Variants in CYSLTR1 observed in about 807,000 individuals in gnomAD.
CYSLTR1 encodes G-protein coupled receptor HG55.
Under a neutral mutation model 2.1 loss-of-function variants are expected in CYSLTR1, and 1 was observed. The ratio of observed to expected loss-of-function variants is 0.48; its 90% CI spans 0.17 to 2.28. The LOEUF is 2.28. Ranked by LOEUF, CYSLTR1 falls within the 30% of genes most tolerant of loss-of-function variation. The pLI, the probability that CYSLTR1 is intolerant of heterozygous loss-of-function variation, is 0.26. For synonymous variants in CYSLTR1, 110 were observed against 89.6 expected, an observed-to-expected ratio of 1.23 and a Z score of -1.28; for missense variants, 299 against 250.1, an observed-to-expected ratio of 1.20 and a Z score of -1.32.
At position 78,288,031 on chromosome X, in the gene CYSLTR1, CA is replaced by C. The variant is rs202210188; in HGVS notation, c.-114-4492del. 9.9e-3 allele frequency among the ~76,000 whole-genome samples: 1,035 copies of C among 104,778 alleles called. 12 individuals are homozygous for C. Among genetic ancestry groups the C allele is most frequent in the African/African-American group, 0.029 (841 of 28,946 alleles). The allele number at this position is 104,778 out of a possible 115,157, so 91.0% of individuals were successfully genotyped here. ...AGTTCTCTCAGAAAAAAACAAAGAA[CA>C]AAAAAAAAATGATAAAATAATTAGC... On this transcript the variant is annotated intron_variant, in intron 1 of 2. Coordinates refer to ENST00000373304, the MANE Select transcript of CYSLTR1 (RefSeq NM_006639.4).
chrX:78,310,800 T>C (rs1214172214), intron 1 of CYSLTR1, among the ~76,000 whole-genome samples: 1 of 111,069 alleles, frequency 9.0e-6, no homozygotes, highest in African/African-American at 3.3e-5. Context: ...TAGCCTGGCA[T>C]ATTTAAGGAA....
At position 78,316,499 on chromosome X, in the gene CYSLTR1, A is replaced by C. The variant is rs186916479; in HGVS notation, c.-115+10806T>G. Among the ~76,000 whole-genome samples, 443 of 111,973 alleles carry C rather than the reference A, an allele frequency of 4.0e-3. 1 individual carries two copies. The highest frequency in any genetic ancestry group is 0.014 in the African/African-American group (427 of 30,808). On this transcript the variant is annotated intron_variant, in intron 1 of 2. Coordinates refer to ENST00000373304, the MANE Select transcript of CYSLTR1 (RefSeq NM_006639.4). ...CCTGGGAAAAGTTCTGAGTTCTGCA[A>C]AAGCAAGCTGCCTGGATCTAAACTT...
chrX:78,275,085 G>A (rs1368432612), intron 2 of CYSLTR1, among the ~76,000 whole-genome samples: 1 of 111,645 alleles, frequency 9.0e-6, no homozygotes, highest in Non-Finnish European at 1.9e-5. Flanking sequence ...AACAACAGGT[G>A]CTGGAGAGGA....
chrX:78,295,754 T>C (rs930613792), intron 1 of CYSLTR1, among the ~76,000 whole-genome samples: 4 of 111,960 alleles, frequency 3.6e-5, no homozygotes, highest in Non-Finnish European at 7.5e-5. Flanking sequence ...AGATTTCTTT[T>C]CCTATACAAT....
chrX:78,306,749 A>G, intron 1 of CYSLTR1, among the ~76,000 whole-genome samples: 1 of 111,646 alleles, frequency 9.0e-6, no homozygotes. Flanking sequence ...CTGTAAAATG[A>G]AGATAATAAA....
intron 1 of CYSLTR1, among the ~76,000 whole-genome samples, chrX:78,286,789 T>C (rs1922094070): frequency 1.8e-5 from 2 of 110,737 alleles, no homozygotes; most frequent in African/African-American, 6.6e-5. Context: ...GTGAGTAATG[T>C]GGGTATACTA....
At chrX:78,286,736 C>T (rs767640489) in intron 1 of CYSLTR1, among the ~76,000 whole-genome samples, 4 of 103,728 alleles carry the variant, frequency 3.9e-5, no homozygotes, top group African/African-American at 7.1e-5. Context: ...TGAGAACATG[C>T]GGTGTTTAAA....
chrX:78,273,884 C>A (rs1281269108), intron 2 of CYSLTR1, 111 bp from the exon 3 acceptor site: 1 of 637,478 alleles, frequency 1.6e-6, no homozygotes, highest in Non-Finnish European at 2.3e-6. Flanking sequence ...CAGCAGCAAG[C>A]AAGAGTAGTG....
At position 78,292,578 on chromosome X, in the gene CYSLTR1, TC is replaced by T. The variant is rs759366772; in HGVS notation, c.-114-9039del. On this transcript the variant is annotated intron_variant, in intron 1 of 2. Coordinates refer to ENST00000373304, the MANE Select transcript of CYSLTR1 (RefSeq NM_006639.4). ...ATATTGACAGTGGGGTGTTAAAGAC[TC>T]CCATTATTATTGTGTGGCAGTCTAA... Among the ~76,000 whole-genome samples the T allele has an allele frequency of 2.7e-5, 3 of 111,513 alleles. No homozygotes were observed. The South Asian group carries it at 1.1e-3, about 42-fold the overall frequency.
chrX:78,317,205 T>C (rs1044967772), intron 1 of CYSLTR1, among the ~76,000 whole-genome samples: 10 of 112,340 alleles, frequency 8.9e-5, no homozygotes, highest in African/African-American at 3.2e-4. Context: ...AAAGAAGATA[T>C]ACAAATGACC....
intron 2 of CYSLTR1, among the ~76,000 whole-genome samples, chrX:78,276,437 G>A (rs1175673973): frequency 9.0e-6 from 1 of 110,926 alleles, no homozygotes; most frequent in Non-Finnish European, 1.9e-5. Flanking sequence ...AAGACTGCTT[G>A]AGTATGCAAA....
chrX:78,323,194 A>T (rs1384142094), intron 1 of CYSLTR1, among the ~76,000 whole-genome samples: 1 of 111,528 alleles, frequency 9.0e-6, no homozygotes, highest in Non-Finnish European at 1.9e-5. Flanking sequence ...GTAAAGCACT[A>T]AGTAGAGGGC....
chrX:78,293,303 G>C (rs1365569660), intron 1 of CYSLTR1, among the ~76,000 whole-genome samples: 1 of 111,048 alleles, frequency 9.0e-6, no homozygotes, highest in Non-Finnish European at 1.9e-5. Context: ...TTGAATATTG[G>C]CCCCCACTCT....
intron 1 of CYSLTR1, among the ~76,000 whole-genome samples, chrX:78,326,690 T>C (rs16978726): frequency 0.01 from 1,180 of 112,446 alleles, 13 homozygotes; most frequent in African/African-American, 0.036. Flanking sequence ...CATTTATAGT[T>C]GAGAGAGCTT....
intron 1 of CYSLTR1, among the ~76,000 whole-genome samples, chrX:78,301,031 G>A (rs1922799577): frequency 8.9e-6 from 1 of 112,682 alleles, no homozygotes; most frequent in Admixed American, 9.3e-5. Context: ...AGCCTAAGCT[G>A]TACCTCGGCT....
intron 1 of CYSLTR1, among the ~76,000 whole-genome samples, chrX:78,323,777 A>G (rs780914994): frequency 1.8e-5 from 2 of 111,912 alleles, no homozygotes; most frequent in Non-Finnish European, 3.8e-5. Context: ...CCTCAAGTCT[A>G]GATCTGAACT....
At chrX:78,282,519 G>A in intron 2 of CYSLTR1, among the ~76,000 whole-genome samples, 1 of 112,232 alleles carries the variant, frequency 8.9e-6, no homozygotes, top group Non-Finnish European at 1.9e-5. Flanking sequence ...TCTTTCCAAT[G>A]TCAGAGTCTG....
At position 78,296,158 on chromosome X, in the gene CYSLTR1, T is replaced by A. The variant is rs1450149982; in HGVS notation, c.-114-12618A>T. Among the ~76,000 whole-genome samples the A allele has an allele frequency of 6.3e-5, 7 of 111,745 alleles. No individual in the cohort carries two copies. In the Admixed American group the frequency reaches 6.7e-4, roughly 11 times the overall value. The stretch of plus-strand genomic sequence containing the variant: ...AGCACCATTTGTTGAAGAGTGTGTC[T>A]TTTCCCCAGTGTATGTTCTTGGCAA... On this transcript the variant is annotated intron_variant, in intron 1 of 2. Transcript: ENST00000373304.
chrX:78,285,554 CAAGA>C (rs1922033064), intron 1 of CYSLTR1, among the ~76,000 whole-genome samples: 2 of 111,762 alleles, frequency 1.8e-5, no homozygotes, highest in East Asian at 2.8e-4. Context: ...TAGCGTGGGA[CAAGA>C]AAGAAAGTTT....
Sources: allele counts gnomAD v4.1 joint callset (sites outside exome capture counted in the v4.1 genomes callset), GRCh38; gene constraint gnomAD v4.1.1; transcripts MANE v1.5; gene names NCBI Gene and HGNC (gene_info 2026-07-23, HGNC 2026-07-21).